The following VPS35L variants were observed in gnomAD, a reference collection of about 807,000 sequenced individuals.
The protein encoded by VPS35L is VPS35 endosomal protein sorting factor like, also known as VPS35 endosomal protein-sorting factor-like.
A neutral mutation model predicts 133.0 loss-of-function variants in VPS35L; 83 were observed. The observed-to-expected ratio is 0.62, with a 90% CI of 0.52 to 0.75. The LOEUF is 0.75. Ranked by LOEUF, VPS35L falls within the 30% of genes least tolerant of loss-of-function variation. The pLI is 0.00. For missense variants in VPS35L, 1,083 were observed against 1,206.8 expected (o/e 0.90, Z 1.52); for synonymous variants, 423 against 449.9 (o/e 0.94, Z 0.76).
intron 15 of VPS35L, among the ~76,000 whole-genome samples, 153 bp downstream of exon 15, chr16:19,626,376 C>T (rs538208536): frequency 6.6e-6 from 1 of 152,254 alleles, no homozygotes; most frequent in African/African-American, 2.4e-5. Context: ...TGGCCTCAGA[C>T]CTTGGCTCTG....
rs368948217 is a variant in VPS35L at position 19,647,752 on chromosome 16, G to A, written c.1930-32G>A. On this transcript the variant is annotated intron_variant, in intron 23 of 30. Transcript: ENST00000417362. ...CTGCGTTCTCTCTAAAAATACCACT[G>A]TCCCTTTCAGCGTCTTTCTCCTTGA... 2.9e-5 allele frequency: 44 copies of A among 1,542,290 alleles called. No homozygotes were observed. The African/African-American group carries it at 5.4e-4, about 19-fold the overall frequency.
intron 8 of VPS35L, among the ~76,000 whole-genome samples, chr16:19,595,174 A>G (rs962850177): frequency 6.6e-6 from 1 of 152,144 alleles, no homozygotes; most frequent in Non-Finnish European, 1.5e-5. Flanking sequence ...AGGAGGGGCC[A>G]CCAGAGGGTG....
intron 2 of VPS35L, 189 bp from the exon 3 acceptor site, chr16:19,569,235 C>G: frequency 4.0e-6 from 3 of 745,666 alleles, no homozygotes; most frequent in Non-Finnish European, 7.2e-6. Context: ...ACTTTCCCTT[C>G]CTTGACAGTT....
chr16:19,657,257 G>A (rs1285411793), intron 26 of VPS35L, among the ~76,000 whole-genome samples: 1 of 151,968 alleles, frequency 6.6e-6, no homozygotes, highest in African/African-American at 2.4e-5. Flanking sequence ...ATGAGCCACC[G>A]TGCCCAACCA....
At chr16:19,606,428 T>TA (rs1185966328) in intron 9 of VPS35L, among the ~76,000 whole-genome samples, 4 of 152,316 alleles carry the variant, frequency 2.6e-5, no homozygotes, top group African/African-American at 9.6e-5. Context: ...TGTGTAGAGA[T>TA]CTAGGCTGGA....
intron 28 of VPS35L, among the ~76,000 whole-genome samples, chr16:19,689,655 TAA>T (rs1485043101): frequency 6.6e-6 from 1 of 152,172 alleles, no homozygotes; most frequent in Admixed American, 6.5e-5. Flanking sequence ...AAATAATTCA[TAA>T]GTTTTAATTT....
intron 16 of VPS35L, among the ~76,000 whole-genome samples, chr16:19,628,168 C>T (rs558791657): frequency 4.0e-4 from 61 of 152,200 alleles, no homozygotes; most frequent in Non-Finnish European, 6.6e-4. Flanking sequence ...AGTTCGAGAC[C>T]AGCCTGGGCA....
chr16:19,573,186 C>A lies in VPS35L; in HGVS notation c.353C>A (p.Thr118Asn). Residue 118 changes from threonine to asparagine, a missense_variant, in exon 4 of 31, where the codon ACC becomes AAC. Coordinates refer to ENST00000417362, the MANE Select transcript of VPS35L (RefSeq NM_020314.7). ...GTAGGATCGGATTTTGAGCCTTGGACCAACAAACGGGGAGAAATCCTTGCC... is the reference window on the plus strand; with the variant it reads ...GTAGGATCGGATTTTGAGCCTTGGAACAACAAACGGGGAGAAATCCTTGCC... The part of the protein sequence containing the change: ...SVVGSDFEPW[T>N]NKRGEILARY... 1 of 1,613,972 alleles carries A rather than the reference C, an allele frequency of 6.2e-7. No homozygotes were observed. The highest frequency in any genetic ancestry group is 2.2e-5 in the East Asian group (1 of 44,872).
chr16:19,592,461 C>T (rs981786650), intron 8 of VPS35L, among the ~76,000 whole-genome samples: 6 of 152,012 alleles, frequency 3.9e-5, no homozygotes, highest in Admixed American at 6.6e-5. Context: ...GCATGGGTCC[C>T]TTGCCGTCTC....
chr16:19,658,958 C>T (rs1036665180), intron 26 of VPS35L, among the ~76,000 whole-genome samples: 1 of 91,884 alleles, frequency 1.1e-5, no homozygotes, highest in Non-Finnish European at 1.7e-5. Context: ...GAGGCTCAGG[C>T]GTGCTCAGGA....
intron 26 of VPS35L, among the ~76,000 whole-genome samples, chr16:19,666,904 C>CT (rs61528836): frequency 2.5e-5 from 2 of 80,700 alleles, no homozygotes; most frequent in Non-Finnish European, 5.1e-5. Flanking sequence ...TTCTTTCTTT[C>CT]TTTCTTTCTT....
At chr16:19,679,975 T>G (rs888242433) in intron 27 of VPS35L, among the ~76,000 whole-genome samples, 3 of 152,210 alleles carry the variant, frequency 2.0e-5, no homozygotes, top group Admixed American at 6.5e-5. Context: ...AGTAGCTGAC[T>G]GCATGTATGC....
chr16:19,619,459 T>C (rs1410549174), intron 14 of VPS35L, among the ~76,000 whole-genome samples: 1 of 152,164 alleles, frequency 6.6e-6, no homozygotes, highest in Non-Finnish European at 1.5e-5. Flanking sequence ...CCACATGCTG[T>C]CCTCCGCTTC....
At chr16:19,588,261 A>C (rs1273599398) in intron 7 of VPS35L, among the ~76,000 whole-genome samples, 3 of 152,016 alleles carry the variant, frequency 2.0e-5, no homozygotes, top group African/African-American at 7.2e-5. Flanking sequence ...GGCTCGGCTC[A>C]CTGAAACCTT....
At chr16:19,595,060 G>A (rs913504664) in intron 8 of VPS35L, among the ~76,000 whole-genome samples, 3 of 152,170 alleles carry the variant, frequency 2.0e-5, no homozygotes, top group African/African-American at 4.8e-5. Context: ...AGAGAGAGGC[G>A]ATGAGATGAG....
chr16:19,645,256 G>A (rs943459874), intron 23 of VPS35L, among the ~76,000 whole-genome samples: 1 of 151,736 alleles, frequency 6.6e-6, no homozygotes, highest in Non-Finnish European at 1.5e-5. Flanking sequence ...GGGTCTCCGG[G>A]ATGTCATCAG....
intron 8 of VPS35L, among the ~76,000 whole-genome samples, chr16:19,592,790 A>ATTCTCCT (rs1972086459): frequency 6.7e-6 from 1 of 149,060 alleles, no homozygotes; most frequent in Admixed American, 6.8e-5. Context: ...GGTTCAAGTG[A>ATTCTCCT]TTCTCCTCCC....
chr16:19,646,692 TA>T (rs1366656684), intron 23 of VPS35L, among the ~76,000 whole-genome samples: 1 of 149,546 alleles, frequency 6.7e-6, no homozygotes, highest in Non-Finnish European at 1.5e-5. Flanking sequence ...AATCACACAG[TA>T]AACCCCTGCC....
intron 16 of VPS35L, among the ~76,000 whole-genome samples, chr16:19,628,112 T>A (rs765052860): frequency 6.6e-6 from 1 of 152,078 alleles, no homozygotes; most frequent in Non-Finnish European, 1.5e-5. Flanking sequence ...ATGTTTATAA[T>A]CCTATCACTT....
Sources: allele counts gnomAD v4.1 joint callset (sites outside exome capture counted in the v4.1 genomes callset), GRCh38; gene constraint gnomAD v4.1.1; transcripts MANE v1.5; gene names NCBI Gene and HGNC (gene_info 2026-07-23, HGNC 2026-07-21).